Variants in MYH15 observed in about 807,000 individuals in gnomAD.
MYH15 encodes myosin-15.
A neutral mutation model predicts 240.5 loss-of-function variants in MYH15; 227 were observed. That is an observed-to-expected ratio of 0.94 (90% CI 0.85 to 1.05). The LOEUF is 1.05. Ranked by LOEUF, MYH15 falls within the 50% of genes least tolerant of loss-of-function variation. The pLI is 0.00. For missense variants in MYH15, 2,217 were observed against 2,247.5 expected, an observed-to-expected ratio of 0.99 and a Z score of 0.27; for synonymous variants, 785 against 796.7, an observed-to-expected ratio of 0.99 and a Z score of 0.25.
chr3:108,407,711 T>A (rs974516449), intron 32 of MYH15, among the ~76,000 whole-genome samples: 2 of 152,242 alleles, frequency 1.3e-5, no homozygotes, highest in East Asian at 3.9e-4. Context: ...GGAAAAAAAA[T>A]TGAAAAGCTT....
intron 30 of MYH15, among the ~76,000 whole-genome samples, chr3:108,411,939 C>T (rs1054084337): frequency 6.6e-6 from 1 of 152,214 alleles, no homozygotes; most frequent in African/African-American, 2.4e-5. Flanking sequence ...GCTTCCTAGC[C>T]ATACTCACTT....
intron 11 of MYH15, 131 bp from the exon 12 acceptor site, chr3:108,476,646 T>C (rs1054478369): frequency 3.7e-6 from 2 of 542,106 alleles, no homozygotes; most frequent in South Asian, 3.3e-5. Context: ...AAGTAGATTG[T>C]AGTTTTCAAA....
intron 1 of MYH15, among the ~76,000 whole-genome samples, chr3:108,509,001 G>C (rs908648631): frequency 6.6e-6 from 1 of 152,158 alleles, no homozygotes; most frequent in Non-Finnish European, 1.5e-5. Context: ...GAGGAAACCA[G>C]GGCTCAATAA....
At position 108,404,026 on chromosome 3, in the gene MYH15, T is replaced by C. The variant is rs140210840; in HGVS notation, c.4736+1312A>G. On this transcript the variant is annotated intron_variant, in intron 33 of 40. Transcript: ENST00000693548. The stretch of plus-strand genomic sequence containing the variant: ...ATCTGCACAAGGAGACATTCATTTT[T>C]ATTCCTTGTGGAAAGAAGTAGGGCA... Among the ~76,000 whole-genome samples, 106 of 152,224 alleles carry C rather than the reference T, an allele frequency of 7.0e-4. No individual in the cohort carries two copies. The Middle Eastern group carries it at 0.01, about 15-fold the overall frequency.
Position 108,492,989 on chromosome 3 carries a change from G to A in MYH15, c.775+125C>T, listed in dbSNP as rs904870106. The stretch of plus-strand genomic sequence containing the variant: ...GAAGGAAGGAAGGGAGAAAAAGAAC[G>A]AGAGAGAGAGAAAAGGAAAGAAAGA... On this transcript the variant is annotated intron_variant, in intron 8 of 40. Coordinates refer to ENST00000693548, the MANE Select transcript of MYH15 (RefSeq NM_014981.3). 25 of 692,404 alleles carry A rather than the reference G, an allele frequency of 3.6e-5. 1 individual carries two copies. Among genetic ancestry groups the A allele is most frequent in the Middle Eastern group, 5.4e-4 (2 of 3,718 alleles). The allele number at this position is 692,404 out of a possible 1,614,324, so 42.9% of individuals were successfully genotyped here.
intron 1 of MYH15, 131 bp downstream of exon 1, chr3:108,510,312 A>C: frequency 8.2e-7 from 1 of 1,215,468 alleles, no homozygotes; most frequent in South Asian, 1.9e-5. Flanking sequence ...TCAGTTTCCT[A>C]GAGGCTGATC....
At chr3:108,542,438 T>A in the MYH15 span, among the ~76,000 whole-genome samples, 1 of 152,220 alleles carries the variant, frequency 6.6e-6, no homozygotes, top group African/African-American at 2.4e-5. Flanking sequence ...TAGTTTTGAC[T>A]TTTCCAGAAT....
chr3:108,382,600 T>A (rs913447355), intron 40 of MYH15, among the ~76,000 whole-genome samples: 1 of 152,044 alleles, frequency 6.6e-6, no homozygotes, highest in East Asian at 1.9e-4. Context: ...AGTAGACACA[T>A]GTGTGACTTT....
upstream of MYH15, among the ~76,000 whole-genome samples, chr3:108,510,825 T>C (rs934897374): frequency 6.6e-6 from 1 of 152,168 alleles, no homozygotes; most frequent in Non-Finnish European, 1.5e-5. Context: ...AGGCCCACAA[T>C]GCTTTTAGGG....
chr3:108,465,360 A>G (rs1214855615), intron 14 of MYH15, among the ~76,000 whole-genome samples: 2 of 152,228 alleles, frequency 1.3e-5, no homozygotes, highest in East Asian at 1.9e-4. Flanking sequence ...CAGTGTGGGC[A>G]GAGAAAAGCT....
Position 108,498,090 on chromosome 3 carries a change from C to A in MYH15, c.580G>T (p.Ala194Ser). 6.2e-7 allele frequency: 1 copy of A among 1,614,058 alleles called. No individual in the cohort carries two copies. Among genetic ancestry groups the A allele is most frequent in the South Asian group, 1.1e-5 (1 of 91,082 alleles). ...GATTCAATCATGGCTGCTATGGTGG[C>A]AAAATACTGGATAATATGTTTGCTG... is the stretch of plus-strand genomic sequence containing the variant. ...VNSKHIIQYF[A>S]TIAAMIESRK... Residue 194 changes from alanine (A) to serine (S), a missense_variant, in exon 6 of 41, where the codon GCC becomes TCC. Physicochemically the swap from Ala to Ser is moderately conservative, Grantham distance 99 (BLOSUM62 1). Coordinates refer to ENST00000693548, the MANE Select transcript of MYH15 (RefSeq NM_014981.3).
chr3:108,490,015 A>C (rs1381565198), intron 9 of MYH15, among the ~76,000 whole-genome samples: 1 of 152,222 alleles, frequency 6.6e-6, no homozygotes, highest in Non-Finnish European at 1.5e-5. Context: ...ATTAGTAAAC[A>C]GAGTTGCTCT....
chr3:108,465,379 G>A (rs1206388281), intron 14 of MYH15, among the ~76,000 whole-genome samples: 1 of 152,192 alleles, frequency 6.6e-6, no homozygotes, highest in Non-Finnish European at 1.5e-5. Context: ...CTAGCTTGAC[G>A]GAACACATTT....
rs906299887 is a variant in MYH15, at chr3:108,410,577, G to A, written c.4495+6C>T. On this transcript the variant is annotated splice_donor_region_variant and intron_variant, in intron 31 of 40. Transcript: ENST00000693548. ...TGGCTTTGGCTCTGAGCCCAGCTCG[G>A]TGTACCTTGGAGGTTCTTGTTCTCC... 6.4e-6 allele frequency: 10 copies of A among 1,569,682 alleles called. No individual in the cohort carries two copies. The African/African-American group carries it at 1.2e-4, about 19-fold the overall frequency.
intron 22 of MYH15, among the ~76,000 whole-genome samples, chr3:108,444,265 C>T (rs911064881): frequency 6.6e-6 from 1 of 152,084 alleles, no homozygotes; most frequent in African/African-American, 2.4e-5. Context: ...TAGAAGCACA[C>T]TGCAGCATTC....
chr3:108,491,838 C>G (rs1411383499), intron 9 of MYH15, among the ~76,000 whole-genome samples: 1 of 152,124 alleles, frequency 6.6e-6, no homozygotes, highest in Non-Finnish European at 1.5e-5. Context: ...TGCCCTTTCC[C>G]AACATTGTGT....
intron 28 of MYH15, among the ~76,000 whole-genome samples, chr3:108,418,535 AC>A (rs1188315595): frequency 6.6e-6 from 1 of 152,214 alleles, no homozygotes; most frequent in African/African-American, 2.4e-5. Flanking sequence ...TTAGTACTAT[AC>A]TAAAATAGCT....
chr3:108,467,349 G>T (rs772291177), intron 14 of MYH15, among the ~76,000 whole-genome samples: 3 of 151,602 alleles, frequency 2.0e-5, no homozygotes, highest in Non-Finnish European at 4.4e-5. Flanking sequence ...CATCTGAAAA[G>T]CTTCTTTTGG....
At chr3:108,508,136 G>A (rs1261703278) in intron 1 of MYH15, among the ~76,000 whole-genome samples, 1 of 152,082 alleles carries the variant, frequency 6.6e-6, no homozygotes, top group Admixed American at 6.6e-5. Context: ...CAGTGCTCCT[G>A]CATTACAGCC....
Sources: gnomAD v4.1 joint callset for allele counts (sites outside exome capture counted in the v4.1 genomes callset) on GRCh38, gnomAD v4.1.1 for gene constraint, MANE v1.5 for transcripts, NCBI Gene and HGNC (gene_info 2026-07-23, HGNC 2026-07-21) for gene names.